The following CCDC68 variants were observed in gnomAD, a reference collection of about 807,000 sequenced individuals.
The protein encoded by CCDC68 is coiled-coil domain containing 68.
Under a neutral mutation model 47.1 loss-of-function variants are expected in CCDC68, and 45 were observed. The ratio of observed to expected loss-of-function variants is 0.96; its 90% confidence interval spans 0.75 to 1.23. The LOEUF is 1.23. CCDC68 is among the 50% of genes most tolerant of loss of function. CCDC68 has a pLI of 0.00. For missense variants in CCDC68, 353 were observed against 373.6 expected (o/e 0.94, Z 0.45); for synonymous variants, 131 against 129.5 (o/e 1.01, Z -0.08).
intron 7 of CCDC68, among the ~76,000 whole-genome samples, chr18:54,931,861 A>G (rs2044269246): frequency 6.6e-6 from 1 of 152,150 alleles, no homozygotes; most frequent in Non-Finnish European, 1.5e-5. Flanking sequence ...ACTAATGGCT[A>G]TTTACTGGAG....
In CCDC68 at chr18:54,937,177, A is replaced by G. The variant is rs1267634073; in HGVS notation, c.346-219T>C. ...GCTGTTGAACAGGCAGATTTGCCAT[A>G]GTCAAACCAAACCAGAGCTCTGTGC... On this transcript the variant is annotated intron_variant, in intron 5 of 11. Coordinates refer to ENST00000591504, the MANE Select transcript of CCDC68 (RefSeq NM_025214.3). 9.7e-6 allele frequency: 5 copies of G among 515,364 alleles called. No individual in the cohort carries two copies. The East Asian group carries it at 1.8e-4, about 18-fold the overall frequency. The allele number at this position is 515,364 out of a possible 1,614,324, so 31.9% of individuals were successfully genotyped here. A position where few individuals can be genotyped will look rare whatever the true frequency, so the allele number is the denominator to read the frequency against.
At chr18:54,922,946 C>T (rs553601571) in intron 8 of CCDC68, among the ~76,000 whole-genome samples, 1 of 143,702 alleles carries the variant, frequency 7.0e-6, no homozygotes, top group Non-Finnish European at 1.5e-5. Flanking sequence ...CGAGATCGTG[C>T]CACTGCAATC....
rs571868285 is a variant in CCDC68 at position 54,906,650 on chromosome 18, G to C, written c.950+1136C>G. ...ATCCTTCCTTCCCTTAGAATGTCACGCTTGCCCTCCTAGTCCAAACTTTTC... is the reference window on the plus strand; with the variant it reads ...ATCCTTCCTTCCCTTAGAATGTCACCCTTGCCCTCCTAGTCCAAACTTTTC... On this transcript the variant is annotated intron_variant, in intron 11 of 11. Coordinates refer to ENST00000591504, the MANE Select transcript of CCDC68 (RefSeq NM_025214.3). 3.3e-5 allele frequency among the ~76,000 whole-genome samples: 5 copies of C among 152,244 alleles called. No homozygotes were observed. The East Asian group carries it at 9.7e-4, about 29-fold the overall frequency.
intron 1 of CCDC68, among the ~76,000 whole-genome samples, chr18:54,956,014 G>A (rs1056562822): frequency 2.0e-5 from 3 of 151,738 alleles, no homozygotes; most frequent in Non-Finnish European, 2.9e-5. Flanking sequence ...AAGTTCAGAC[G>A]AGTCTTGCTC....
At chr18:54,947,610 T>A (rs777116539) in intron 1 of CCDC68, among the ~76,000 whole-genome samples, 29 of 152,210 alleles carry the variant, frequency 1.9e-4, no homozygotes, top group Non-Finnish European at 3.2e-4. Flanking sequence ...AATGTGGGGT[T>A]GTTCATGAGT....
intron 2 of CCDC68, among the ~76,000 whole-genome samples, chr18:54,944,552 C>T (rs2044493178): frequency 6.6e-6 from 1 of 152,126 alleles, no homozygotes. Context: ...AAACCCGCAA[C>T]AACCACAATG....
intron 10 of CCDC68, among the ~76,000 whole-genome samples, chr18:54,915,629 T>TA (rs1485137308): frequency 1.7e-4 from 26 of 152,118 alleles, no homozygotes; most frequent in South Asian, 6.2e-4. Flanking sequence ...GTTAGTTACG[T>TA]AAAAAATGTA....
At chr18:54,928,166 G>T (rs1239750259) in intron 8 of CCDC68, among the ~76,000 whole-genome samples, 1 of 152,130 alleles carries the variant, frequency 6.6e-6, no homozygotes, top group African/African-American at 2.4e-5. Flanking sequence ...AATGTCTTAT[G>T]ATATGATTTA....
chr18:54,929,180 T>A (rs1030309939), intron 7 of CCDC68, among the ~76,000 whole-genome samples: 1 of 152,126 alleles, frequency 6.6e-6, no homozygotes, highest in African/African-American at 2.4e-5. Context: ...TCTCTCCCCA[T>A]CCTACCACAT....
intron 10 of CCDC68, among the ~76,000 whole-genome samples, chr18:54,912,852 C>A (rs550571047): frequency 6.6e-6 from 1 of 152,084 alleles, no homozygotes; most frequent in Non-Finnish European, 1.5e-5. Flanking sequence ...GAGAACCAAG[C>A]GAAAGGGGTT....
chr18:54,948,238 C>T (rs994463399), intron 1 of CCDC68, among the ~76,000 whole-genome samples: 1 of 151,970 alleles, frequency 6.6e-6, no homozygotes, highest in Non-Finnish European at 1.5e-5. Context: ...ATCCCTACTC[C>T]AATATGACTG....
chr18:54,915,887 C>A (rs1204898898), intron 10 of CCDC68, among the ~76,000 whole-genome samples: 1 of 152,100 alleles, frequency 6.6e-6, no homozygotes, highest in African/African-American at 2.4e-5. Flanking sequence ...CGAGATCATG[C>A]CACTGCGCTC....
intron 7 of CCDC68, among the ~76,000 whole-genome samples, chr18:54,931,505 G>A (rs1053001975): frequency 6.6e-5 from 10 of 152,142 alleles, no homozygotes; most frequent in Non-Finnish European, 1.5e-5. Context: ...GAGAAGACGG[G>A]GGCATAATGG....
chr18:54,935,449 G>A (rs1315423098), intron 6 of CCDC68, among the ~76,000 whole-genome samples: 1 of 152,204 alleles, frequency 6.6e-6, no homozygotes, highest in East Asian at 1.9e-4. Flanking sequence ...GTAAGCTACA[G>A]TGGGACTGTG....
At position 54,902,741 on chromosome 18, in the gene CCDC68, T is replaced by C. The variant is rs753954124; in HGVS notation, c.*1617A>G. On this transcript the variant is annotated 3_prime_UTR_variant, in exon 12 of 12. Transcript: ENST00000591504. ...TTAAAGTGGCAAAAATAGAGAGATTTCTATAGCTGGGAAATTTCTTAGACC... is the reference window on the plus strand; with the variant it reads ...TTAAAGTGGCAAAAATAGAGAGATTCCTATAGCTGGGAAATTTCTTAGACC... The C allele has an allele frequency of 1.3e-5, 2 of 152,134 alleles. No individual in the cohort carries two copies. Among genetic ancestry groups the C allele is most frequent in the Non-Finnish European group, 2.9e-5 (2 of 68,018 alleles). The allele number at this position is 152,134 out of a possible 1,614,324, so 9.4% of individuals were successfully genotyped here. A position where few individuals can be genotyped will look rare whatever the true frequency, so the allele number is the denominator to read the frequency against.
At position 54,937,769 on chromosome 18, in the gene CCDC68, C is replaced by A; in HGVS notation, c.345+188G>T. ...AGATATTTTCAATAACAAAAGAAGC[C>A]TCAAAAATAAAACAGTGAGATATGA... On this transcript the variant is annotated intron_variant, in intron 5 of 11. Coordinates refer to ENST00000591504, the MANE Select transcript of CCDC68 (RefSeq NM_025214.3). The A allele has an allele frequency of 1.6e-5, 7 of 445,792 alleles. 1 individual carries two copies. The highest frequency in any genetic ancestry group is 1.2e-3 in the Middle Eastern group (2 of 1,636). The allele number at this position is 445,792 out of a possible 1,614,324, so 27.6% of individuals were successfully genotyped here.
chr18:54,940,449 C>T (rs1366501801), intron 4 of CCDC68, among the ~76,000 whole-genome samples: 3 of 152,172 alleles, frequency 2.0e-5, no homozygotes, highest in Non-Finnish European at 2.9e-5. Flanking sequence ...TTATACCCCA[C>T]GTTCTGGTGG....
chr18:54,910,542 C>T (rs1272642793), intron 10 of CCDC68, among the ~76,000 whole-genome samples: 1 of 152,220 alleles, frequency 6.6e-6, no homozygotes, highest in African/African-American at 2.4e-5. Context: ...CAGCCCGGCC[C>T]CCAGCATTCA....
At chr18:54,912,085 G>A (rs1382527019) in intron 10 of CCDC68, among the ~76,000 whole-genome samples, 1 of 152,092 alleles carries the variant, frequency 6.6e-6, no homozygotes, top group African/African-American at 2.4e-5. Flanking sequence ...TATAATTTTT[G>A]CATACTTAAT....
Sources: gnomAD v4.1 joint callset for allele counts (sites outside exome capture counted in the v4.1 genomes callset) on GRCh38, gnomAD v4.1.1 for gene constraint, MANE v1.5 for transcripts, NCBI Gene and HGNC (gene_info 2026-07-23, HGNC 2026-07-21) for gene names.